SKIC8: variants seen among roughly 807,000 people sequenced by gnomAD.
The protein encoded by SKIC8 is superkiller complex protein 8.
the SKIC8 span, chr15:78,289,896 C>A: frequency 6.3e-7 from 1 of 1,592,934 alleles, no homozygotes; most frequent in Non-Finnish European, 8.6e-7. Flanking sequence ...CTGCAACAGG[C>A]TGGAAGGGTA....
the SKIC8 span, chr15:78,293,082 T>C: frequency 8.1e-7 from 1 of 1,229,608 alleles, no homozygotes; most frequent in African/African-American, 1.5e-5. Context: ...GAAAAAAGTA[T>C]TTCCCGGACT....
chr15:78,283,548 A>C, the SKIC8 span: 2 of 1,518,814 alleles, frequency 1.3e-6, no homozygotes, highest in South Asian at 2.3e-5. Flanking sequence ...AGATAGTTCT[A>C]CAAATGCCTT....
At chr15:78,289,893 A>G in the SKIC8 span, 7 of 1,588,804 alleles carry the variant, frequency 4.4e-6, no homozygotes, top group Admixed American at 3.5e-5. Context: ...GGACTGCAAC[A>G]GGCTGGAAGG....
At chr15:78,294,697 A>T in the SKIC8 span, 1 of 429,472 alleles carries the variant, frequency 2.3e-6, no homozygotes, top group Non-Finnish European at 4.1e-6. Context: ...CAGGTGGAAA[A>T]ATTTTCCTCA....
chr15:78,289,791 C>G, the SKIC8 span: 3 of 1,528,960 alleles, frequency 2.0e-6, no homozygotes, highest in Non-Finnish European at 2.7e-6. Context: ...ACAAGCAAAC[C>G]TCCTGCTATC....
At chr15:78,293,336 T>C in the SKIC8 span, 1 of 1,404,064 alleles carries the variant, frequency 7.1e-7, no homozygotes, top group African/African-American at 1.4e-5. Context: ...GCCGAGATAC[T>C]GTTCAACAAT....
chr15:78,295,738 C>T, the SKIC8 span: 4 of 1,514,648 alleles, frequency 2.6e-6, no homozygotes, highest in Non-Finnish European at 3.5e-6. Context: ...GTGGAAACAA[C>T]ACCAGGATTT....
At chr15:78,295,254 T>G in the SKIC8 span, 1 of 560,196 alleles carries the variant, frequency 1.8e-6, no homozygotes, top group Non-Finnish European at 3.2e-6. Flanking sequence ...CTTTTTCTGT[T>G]CTGATCACCA....
the SKIC8 span, chr15:78,289,926 AG>A: frequency 6.2e-7 from 1 of 1,608,660 alleles, no homozygotes; most frequent in South Asian, 1.1e-5. Context: ...AATCAGAAGG[AG>A]AACAGAGAGC....
At chr15:78,295,451 A>C in the SKIC8 span, 2 of 650,104 alleles carry the variant, frequency 3.1e-6, no homozygotes, top group Non-Finnish European at 5.5e-6. Context: ...TCTATTACTC[A>C]CTAAATTGTG....
the SKIC8 span, chr15:78,288,158 C>T: frequency 1.1e-6 from 1 of 882,762 alleles, no homozygotes; most frequent in Non-Finnish European, 1.7e-6. Context: ...GGGAGGACCG[C>T]CTGGGGAGTC....
the SKIC8 span, chr15:78,289,043 T>C: frequency 5.6e-6 from 2 of 357,692 alleles, no homozygotes; most frequent in African/African-American, 4.3e-5. Context: ...TAGATTACGA[T>C]ATAATAAATA....
At chr15:78,289,137 A>G in the SKIC8 span, among the ~76,000 whole-genome samples, 3 of 152,242 alleles carry the variant, frequency 2.0e-5, no homozygotes, top group Non-Finnish European at 4.4e-5. Flanking sequence ...GTGACAGGCC[A>G]GGTATGGTGG....
chr15:78,284,213 A>G, the SKIC8 span: 1 of 152,172 alleles, frequency 6.6e-6, no homozygotes, highest in Admixed American at 6.5e-5. Flanking sequence ...ATTGGGCTGC[A>G]TGATGGCCTT....
the SKIC8 span, chr15:78,295,705 A>C: frequency 6.5e-7 from 1 of 1,548,884 alleles, no homozygotes; most frequent in Non-Finnish European, 8.7e-7. Context: ...CCAAGGATCA[A>C]GGACAAAAGG....
At chr15:78,293,225 CCTT>C in the SKIC8 span, 1 of 1,614,140 alleles carries the variant, frequency 6.2e-7, no homozygotes, top group South Asian at 1.1e-5. Context: ...TCAGAGTTTT[CCTT>C]CTTGTTTGTC....
chr15:78,297,299 G>T, the SKIC8 span, among the ~76,000 whole-genome samples: 1 of 152,284 alleles, frequency 6.6e-6, no homozygotes, highest in Admixed American at 6.5e-5. Context: ...CTTCAGTTGA[G>T]AACATGTGCA....
At chr15:78,298,713 G>GT in the SKIC8 span, among the ~76,000 whole-genome samples, 1 of 152,132 alleles carries the variant, frequency 6.6e-6, no homozygotes, top group Non-Finnish European at 1.5e-5. Context: ...TTGAAAAATT[G>GT]TAAGTCAAAC....
At chr15:78,283,277 C>A in the SKIC8 span, 5 of 584,092 alleles carry the variant, frequency 8.6e-6, no homozygotes, top group Non-Finnish European at 1.2e-5. Context: ...AACAGCATTT[C>A]CAATAAAACA....
Sources: gnomAD v4.1 joint callset for allele counts (sites outside exome capture counted in the v4.1 genomes callset) on GRCh38, gnomAD v4.1.1 for gene constraint, MANE v1.5 for transcripts, NCBI Gene and HGNC (gene_info 2026-07-23, HGNC 2026-07-21) for gene names.